NKAIN2: variants seen among roughly 807,000 people sequenced by gnomAD.
The protein encoded by NKAIN2 is sodium/potassium transporting ATPase interacting 2.
In NKAIN2, 14 loss-of-function variants were observed where a neutral mutation model predicts 32.6. The ratio of observed to expected loss-of-function variants is 0.43; its 90% confidence interval spans 0.28 to 0.67. NKAIN2 has a LOEUF of 0.67. Among genes scored for constraint, NKAIN2 ranks in the 30% least tolerant of loss-of-function variants. The pLI, the probability that NKAIN2 is intolerant of heterozygous loss-of-function variation, is 0.17. For synonymous variants in NKAIN2, 80 were observed against 87.2 expected, an observed-to-expected ratio of 0.92 and a Z score of 0.46; for missense variants, 198 against 258.3, an observed-to-expected ratio of 0.77 and a Z score of 1.60.
At chr6:123,949,223 A>G (rs184381077) in intron 1 of NKAIN2, among the ~76,000 whole-genome samples, 1,531 of 152,044 alleles carry the variant, frequency 0.01, 18 homozygotes, top group Middle Eastern at 0.017. Flanking sequence ...TGACTTGAGT[A>G]AGGTAGTAGT....
At chr6:124,198,811 C>T (rs1190152892) in intron 1 of NKAIN2, among the ~76,000 whole-genome samples, 2 of 152,074 alleles carry the variant, frequency 1.3e-5, no homozygotes, top group African/African-American at 4.8e-5. Context: ...TGTCCTGTAT[C>T]TCCTTGTAGG....
At chr6:124,640,556 A>G (rs1323080737) in intron 3 of NKAIN2, among the ~76,000 whole-genome samples, 1 of 152,154 alleles carries the variant, frequency 6.6e-6, no homozygotes, top group Non-Finnish European at 1.5e-5. Flanking sequence ...ACAGCAGGAA[A>G]AGCTCTGCCA....
intron 1 of NKAIN2, among the ~76,000 whole-genome samples, chr6:123,821,977 ACT>A (rs1260082755): frequency 7.0e-6 from 1 of 141,932 alleles, no homozygotes; most frequent in East Asian, 2.9e-4. Flanking sequence ...TATATTGATG[ACT>A]TTTCCCTTTA....
chr6:124,457,537 G>A (rs62437473), intron 3 of NKAIN2, among the ~76,000 whole-genome samples: 8,001 of 151,716 alleles, frequency 0.053, 288 homozygotes, highest in Non-Finnish European at 0.065. Context: ...AATATCTTAG[G>A]GACTATATTT....
At chr6:124,023,558 C>T (rs904275739) in intron 1 of NKAIN2, among the ~76,000 whole-genome samples, 6 of 152,070 alleles carry the variant, frequency 3.9e-5, no homozygotes, top group Non-Finnish European at 8.8e-5. Context: ...ACAATGTTAA[C>T]TCATTGATGT....
intron 1 of NKAIN2, among the ~76,000 whole-genome samples, chr6:124,069,518 G>T (rs867668932): frequency 1.2e-4 from 19 of 152,036 alleles, no homozygotes; most frequent in African/African-American, 4.6e-4. Context: ...TTTATAATTG[G>T]GTGTGAATTT....
intron 1 of NKAIN2, among the ~76,000 whole-genome samples, chr6:123,953,571 C>T (rs1425438451): frequency 2.0e-5 from 3 of 152,006 alleles, no homozygotes; most frequent in African/African-American, 7.2e-5. Flanking sequence ...CATATGTGTG[C>T]CCACTGTGGT....
At chr6:124,391,715 G>T (rs1773150199) in intron 3 of NKAIN2, among the ~76,000 whole-genome samples, 1 of 152,086 alleles carries the variant, frequency 6.6e-6, no homozygotes, top group South Asian at 2.1e-4. Context: ...ATTCCCAGAG[G>T]ATGTTCAAAG....
chr6:123,945,422 A>G (rs1212784783), intron 1 of NKAIN2, among the ~76,000 whole-genome samples: 1 of 152,102 alleles, frequency 6.6e-6, no homozygotes, highest in Non-Finnish European at 1.5e-5. Context: ...TAGAGACAAC[A>G]TTAAAATTTA....
intron 1 of NKAIN2, among the ~76,000 whole-genome samples, chr6:124,274,501 TC>T (rs1343659688): frequency 2.6e-5 from 4 of 152,108 alleles, no homozygotes; most frequent in Non-Finnish European, 4.4e-5. Context: ...ACCATAAGGT[TC>T]CCCTGTGTTC....
intron 1 of NKAIN2, among the ~76,000 whole-genome samples, chr6:124,183,470 A>G (rs912417672): frequency 5.4e-4 from 82 of 152,086 alleles, no homozygotes; most frequent in African/African-American, 2.0e-3. Flanking sequence ...ATTACATTTG[A>G]AAACTTAATC....
intron 2 of NKAIN2, among the ~76,000 whole-genome samples, chr6:124,342,321 A>G (rs1267221678): frequency 1.3e-5 from 2 of 150,538 alleles, no homozygotes; most frequent in East Asian, 4.1e-4. Flanking sequence ...AGGCAGGAGA[A>G]TGGAGTGAAC....
At chr6:124,506,106 G>A (rs184183726) in intron 3 of NKAIN2, among the ~76,000 whole-genome samples, 2,049 of 152,068 alleles carry the variant, frequency 0.013, 23 homozygotes, top group Non-Finnish European at 0.022. Context: ...GCGTGAACCC[G>A]GGAGGAGGAG....
chr6:124,406,626 G>GTT (rs1773870118), intron 3 of NKAIN2, among the ~76,000 whole-genome samples: 1 of 151,998 alleles, frequency 6.6e-6, no homozygotes, highest in African/African-American at 2.4e-5. Flanking sequence ...TTATATGAAT[G>GTT]GTTGTATGTT....
At chr6:124,319,814 C>A (rs1036868951) in intron 2 of NKAIN2, among the ~76,000 whole-genome samples, 1 of 152,046 alleles carries the variant, frequency 6.6e-6, no homozygotes, top group Non-Finnish European at 1.5e-5. Flanking sequence ...TTTTGAAAAA[C>A]CAATGTCAAC....
intron 1 of NKAIN2, among the ~76,000 whole-genome samples, chr6:124,220,461 CT>C (rs59041129): frequency 0.7 from 104,952 of 150,894 alleles, 36,744 homozygotes; most frequent in South Asian, 0.76. Flanking sequence ...TTTTTTTTCC[CT>C]TTTTTTGGGG....
Position 124,499,476 on chromosome 6 carries a change from T to C in NKAIN2, c.273+144129T>C, listed in dbSNP as rs571156076. On this transcript the variant is annotated intron_variant, in intron 3 of 6. Transcript: ENST00000368417. ...AATTATTCCAGCTATATGATTGCTC[T>C]TGTTTTTCTGGATGAAATAAAGACC... Among the ~76,000 whole-genome samples the C allele has an allele frequency of 1.9e-4, 29 of 152,324 alleles. No individual in the cohort carries two copies. In the South Asian group the frequency reaches 5.8e-3, roughly 30 times the overall value.
intron 3 of NKAIN2, among the ~76,000 whole-genome samples, chr6:124,474,458 A>G (rs1777103114): frequency 6.6e-6 from 1 of 152,074 alleles, no homozygotes; most frequent in African/African-American, 2.4e-5. Context: ...GATTCTTCAA[A>G]CGGAACCACT....
intron 2 of NKAIN2, among the ~76,000 whole-genome samples, chr6:124,327,389 T>G (rs1432404617): frequency 1.3e-5 from 2 of 152,098 alleles, no homozygotes; most frequent in Non-Finnish European, 2.9e-5. Flanking sequence ...CTTAATTAGC[T>G]CTAATCATTT....
Sources: gnomAD v4.1 joint callset for allele counts (sites outside exome capture counted in the v4.1 genomes callset) on GRCh38, gnomAD v4.1.1 for gene constraint, MANE v1.5 for transcripts, NCBI Gene and HGNC (gene_info 2026-07-23, HGNC 2026-07-21) for gene names.